The following FKBP9 variants were observed in gnomAD, a reference collection of about 807,000 sequenced individuals.
FKBP9 encodes the protein FKBP prolyl isomerase 9.
FKBP9 carries 27 observed loss-of-function variants against 55.6 expected under a neutral mutation model. That is an observed-to-expected ratio of 0.49 (90% CI 0.36 to 0.67). The LOEUF (loss-of-function observed/expected upper bound fraction) is 0.67, where lower values mean the gene tolerates loss of function less well. FKBP9 is among the 30% of genes least tolerant of loss of function. The probability of loss-of-function intolerance (pLI) is 0.00; values close to 1 mark genes in which losing one functional copy is unlikely to be tolerated. For missense variants in FKBP9, 539 were observed against 742.8 expected (o/e 0.73, Z 3.19); for synonymous variants, 267 against 296.5 (o/e 0.90, Z 1.02).
At chr7:32,977,420 C>T (rs1432269389) in intron 4 of FKBP9, among the ~76,000 whole-genome samples, 1 of 152,178 alleles carries the variant, frequency 6.6e-6, no homozygotes, top group Non-Finnish European at 1.5e-5. Context: ...TGTGGTGTAA[C>T]CTGTTTCCTC....
At chr7:32,992,983 A>T (rs895682440) in intron 6 of FKBP9, 13 of 231,318 alleles carry the variant, frequency 5.6e-5, no homozygotes, top group Admixed American at 1.7e-4. Context: ...GTGTGAATCG[A>T]CCTCTACACT....
intron 9 of FKBP9, chr7:33,003,044 A>G (rs1490576084): frequency 4.5e-5 from 25 of 551,388 alleles, no homozygotes; most frequent in Admixed American, 2.8e-4. Context: ...GAAGAAACCG[A>G]TTCCCTAAGA....
rs1192538174 is a variant in FKBP9 at position 32,969,359 on chromosome 7, T to A, written c.222-5258T>A. Among the ~76,000 whole-genome samples the A allele has an allele frequency of 2.6e-5, 4 of 152,002 alleles. No individual in the cohort carries two copies. In the East Asian group the frequency reaches 7.8e-4, roughly 29 times the overall value. On this transcript the variant is annotated intron_variant, in intron 1 of 9. Transcript: ENST00000242209. ...TTTTTCCTAGTTTTATAGTTTTGGA[T>A]CTTATATTTATGCATTTAATCCATT...
At chr7:33,004,931 G>T (rs1785004631) in intron 9 of FKBP9, among the ~76,000 whole-genome samples, 1 of 152,100 alleles carries the variant, frequency 6.6e-6, no homozygotes, top group South Asian at 2.1e-4. Flanking sequence ...CGGCTGCTGG[G>T]TATTGGCTAC....
At chr7:32,963,703 G>A (rs538807455) in intron 1 of FKBP9, 1 of 1,362,356 alleles carries the variant, frequency 7.3e-7, no homozygotes, top group East Asian at 2.9e-5. Flanking sequence ...ATGGACTGAG[G>A]TGACTTTCTG....
intron 6 of FKBP9, chr7:32,994,961 T>C (rs1462318594): frequency 1.8e-5 from 3 of 164,356 alleles, no homozygotes; most frequent in Non-Finnish European, 4.0e-5. Flanking sequence ...TGTCTGAATT[T>C]TTCATTTCTT....
intron 3 of FKBP9, among the ~76,000 whole-genome samples, chr7:32,975,946 G>A (rs1784356042): frequency 6.6e-6 from 1 of 152,156 alleles, no homozygotes. Flanking sequence ...GCACCCGGCC[G>A]TGTAAGTCTC....
In FKBP9 at chr7:32,957,491, T is replaced by G. The variant is rs1306840324; in HGVS notation, c.-83T>G. On this transcript the variant is annotated 5_prime_UTR_variant, in exon 1 of 10. Transcript: ENST00000242209. ...GTAGGGCCAGGAGACCCGGTCCACG[T>G]TTGCAAACGCAGCCGAACGCCCAGG... is the stretch of plus-strand genomic sequence containing the variant. The G allele has an allele frequency of 4.6e-6, 5 of 1,097,676 alleles. No individual in the cohort carries two copies. The highest frequency in any genetic ancestry group is 6.0e-6 in the Non-Finnish European group (5 of 835,252). The allele number at this position is 1,097,676 out of a possible 1,614,324, so 68.0% of individuals were successfully genotyped here.
chr7:33,003,467 C>T (rs1377427224), intron 9 of FKBP9, among the ~76,000 whole-genome samples: 1 of 152,132 alleles, frequency 6.6e-6, no homozygotes, highest in African/African-American at 2.4e-5. Flanking sequence ...CATTGCTTTC[C>T]TTCCTTTACA....
chr7:32,993,591 G>A (rs1190825634), intron 6 of FKBP9, among the ~76,000 whole-genome samples: 1 of 152,234 alleles, frequency 6.6e-6, no homozygotes, highest in Non-Finnish European at 1.5e-5. Flanking sequence ...TTGGGAGGCT[G>A]AAGCAGGCGG....
intron 6 of FKBP9, chr7:32,995,082 T>C (rs1012304559): frequency 1.3e-5 from 2 of 151,878 alleles, no homozygotes; most frequent in African/African-American, 4.8e-5. Context: ...GCAATCCTCC[T>C]GCCTCAACCT....
chr7:32,976,570 C>T (rs1784367980), intron 4 of FKBP9, 71 bp downstream of exon 4: 3 of 1,534,678 alleles, frequency 2.0e-6, no homozygotes, highest in Non-Finnish European at 2.6e-6. Flanking sequence ...ATTCAGTTGT[C>T]ACCACATGAA....
intron 5 of FKBP9, among the ~76,000 whole-genome samples, chr7:32,986,608 G>A (rs1042394923): frequency 1.1e-4 from 16 of 152,206 alleles, no homozygotes; most frequent in African/African-American, 3.9e-4. Context: ...TCACAGCCTC[G>A]TCTGGGAGTT....
rs1190718342 is a variant in FKBP9 at position 32,992,301 on chromosome 7, A to G, written c.1039+3649A>G. The stretch of plus-strand genomic sequence containing the variant: ...CCCTCAGAGGAAACCCACCCCCCTC[A>G]GAGGAAACTGACTCTCTGCAGAGGA... On this transcript the variant is annotated intron_variant, in intron 6 of 9. Transcript: ENST00000242209. Among the ~76,000 whole-genome samples the G allele has an allele frequency of 4.5e-4, 13 of 28,630 alleles. No individual in the cohort carries two copies. The East Asian group carries it at 0.012, about 26-fold the overall frequency. 18.8% of individuals were successfully genotyped at this position (28,630 alleles called of 152,430 possible). A position where few individuals can be genotyped will look rare whatever the true frequency, so the allele number is the denominator to read the frequency against.
intron 7 of FKBP9, among the ~76,000 whole-genome samples, chr7:32,996,569 C>A (rs1784791360): frequency 6.6e-6 from 1 of 151,866 alleles, no homozygotes. Context: ...ATGAAATTGT[C>A]TTTCTGAAAA....
At chr7:32,992,855 T>C in intron 6 of FKBP9, 1 of 230,034 alleles carries the variant, frequency 4.3e-6, no homozygotes, top group East Asian at 6.2e-5. Context: ...AGTGTTTCCT[T>C]GTTGACGCCC....
At chr7:32,969,644 C>G (rs1188281301) in intron 1 of FKBP9, among the ~76,000 whole-genome samples, 1 of 152,150 alleles carries the variant, frequency 6.6e-6, no homozygotes, top group Non-Finnish European at 1.5e-5. Context: ...GTTTCAAAAT[C>G]AGGAAGTGTG....
chr7:32,985,587 C>T (rs1784560834), intron 5 of FKBP9, among the ~76,000 whole-genome samples: 1 of 152,272 alleles, frequency 6.6e-6, no homozygotes, highest in Non-Finnish European at 1.5e-5. Context: ...GTATACTGCA[C>T]CTTAAAAACA....
intron 1 of FKBP9, among the ~76,000 whole-genome samples, chr7:32,961,360 C>T (rs561644930): frequency 3.7e-4 from 57 of 152,256 alleles, no homozygotes; most frequent in Non-Finnish European, 7.8e-4. Context: ...ACTACATATA[C>T]TTCTGAATCA....
Sources: allele counts gnomAD v4.1 joint callset (sites outside exome capture counted in the v4.1 genomes callset), GRCh38; gene constraint gnomAD v4.1.1; transcripts MANE v1.5; gene names NCBI Gene and HGNC (gene_info 2026-07-23, HGNC 2026-07-21).